The following RABEP2 variants were observed in gnomAD, a reference collection of about 807,000 sequenced individuals.
RABEP2 encodes rabaptin, RAB GTPase binding effector protein 2, also known as rab GTPase-binding effector protein 2.
A neutral mutation model predicts 74.1 loss-of-function variants in RABEP2; 57 were observed. The observed-to-expected ratio is 0.77, with a 90% CI of 0.62 to 0.96. The LOEUF (loss-of-function observed/expected upper bound fraction) is 0.96. RABEP2 is among the 40% of genes least tolerant of loss of function. The pLI is 0.00. For synonymous variants in RABEP2, 351 were observed against 344.0 expected, an observed-to-expected ratio of 1.02 and a Z score of -0.23; for missense variants, 692 against 756.3, an observed-to-expected ratio of 0.91 and a Z score of 1.00.
rs559486529 is a variant in RABEP2 at position 28,905,237 on chromosome 16, TGA to T, written c.1608+158_1608+159del. Reference sequence around the variant, plus strand: ...TTCAGGTGACTGACCAAGGCTCACATGAGAGTTTCAGGGTTTTTTGAGTAACA... The same window carrying T: ...TTCAGGTGACTGACCAAGGCTCACATGAGTTTCAGGGTTTTTTGAGTAACA... On this transcript the variant is annotated intron_variant, in intron 12 of 12. Coordinates refer to ENST00000358201, the MANE Select transcript of RABEP2 (RefSeq NM_024816.3). 2.0e-3 allele frequency among the ~76,000 whole-genome samples: 304 copies of T among 152,220 alleles called. 1 individual carries two copies. Among genetic ancestry groups the T allele is most frequent in the Non-Finnish European group, 3.2e-3 (218 of 67,992 alleles).
rs542275113 is a variant in RABEP2 at position 28,906,229 on chromosome 16, GGGGCAGGA to G, written c.1246-41_1246-34del. 2,722 of 1,532,246 alleles carry G rather than the reference GGGGCAGGA, an allele frequency of 1.8e-3. 7 individuals are homozygous for G. The highest frequency in any genetic ancestry group is 2.0e-3 in the Non-Finnish European group (2,346 of 1,146,932). 94.9% of individuals were successfully genotyped at this position (1,532,246 alleles called of 1,614,324 possible). On this transcript the variant is annotated intron_variant, in intron 8 of 12. Coordinates refer to ENST00000358201, the MANE Select transcript of RABEP2 (RefSeq NM_024816.3). ...GGACGGAGGAGTCACCTGCTGGGCT[GGGGCAGGA>G]GGGCAGGAGGGCAGGGGCCACCAGC...
rs1344291144 is a variant in RABEP2 at position 28,919,781 on chromosome 16, C to T, written c.432+5G>A. Reference sequence around the variant, plus strand: ...GGGCAGCAGGGAAGCCATCCCAATCCCAACCTTTTCCATCTGCTTCTCCAG... The same window carrying T: ...GGGCAGCAGGGAAGCCATCCCAATCTCAACCTTTTCCATCTGCTTCTCCAG... On this transcript the variant is annotated splice_donor_5th_base_variant and intron_variant, in intron 3 of 12. Transcript: ENST00000358201. The T allele has an allele frequency of 6.2e-7, 1 of 1,602,200 alleles. No homozygotes were observed. The highest frequency in any genetic ancestry group is 1.3e-5 in the African/African-American group (1 of 74,762).
chr16:28,905,861 A>G lies in RABEP2; in HGVS notation c.1435+6T>C. The G allele has an allele frequency of 1.9e-6, 3 of 1,613,458 alleles. No individual in the cohort carries two copies. The highest frequency in any genetic ancestry group is 2.5e-6 in the Non-Finnish European group (3 of 1,179,894). ...ATCCCCAAGATCACCTCCAGCACAC[A>G]CTCACCCTCCAGCACCTCTGTGGGA... On this transcript the variant is annotated splice_donor_region_variant and intron_variant, in intron 10 of 12. Coordinates refer to ENST00000358201, the MANE Select transcript of RABEP2 (RefSeq NM_024816.3).
At chr16:28,909,508 T>C (rs1964282666) in intron 7 of RABEP2, among the ~76,000 whole-genome samples, 1 of 150,202 alleles carries the variant, frequency 6.7e-6, no homozygotes, top group South Asian at 2.1e-4. Context: ...AGGCCAGGAG[T>C]TTGAGACCAG....
In RABEP2 at chr16:28,919,806, G is replaced by A. The variant is rs953160539; in HGVS notation, c.412C>T (p.Leu138=). The part of the protein sequence containing the change: ...LLSRAYPLDS[L]EKQMEKAHED... ...CCAACCTTTTCCATCTGCTTCTCCA[G>A]GGAGTCCAGGGGGTAGGCCCGGGAC... The change falls in exon 3 of 13, where the codon CTG becomes TTG. Residue 138 remains leucine, a synonymous_variant. Transcript: ENST00000358201. 3.1e-6 allele frequency: 5 copies of A among 1,608,902 alleles called. No homozygotes were observed. The highest frequency in any genetic ancestry group is 4.2e-6 in the Non-Finnish European group (5 of 1,176,826).
At chr16:28,921,189 G>A (rs1044287257) in intron 2 of RABEP2, 7 of 455,722 alleles carry the variant, frequency 1.5e-5, no homozygotes, top group Admixed American at 7.1e-5. Flanking sequence ...AAATATTTAC[G>A]CTGGATCAGA....
chr16:28,914,504 G>A lies in RABEP2; in HGVS notation c.626C>T (p.Pro209Leu). ...LSRDPSPPLE[P>L]LEELSGDGGP... ...CCCATCTCCGCTCAGCTCCTCCAGA[G>A]GCTCCAGCGGGGGCGATGGATCCCG... Residue 209 changes from proline (P) to leucine (L), a missense_variant, in exon 5 of 13, where the codon CCT (proline) becomes CTT (leucine). Physicochemically the swap from Pro to Leu is moderately conservative, Grantham distance 98 (BLOSUM62 -3). Transcript: ENST00000358201. 6.2e-7 allele frequency: 1 copy of A among 1,613,176 alleles called. No individual in the cohort carries two copies. Among genetic ancestry groups the A allele is most frequent in the Non-Finnish European group, 8.5e-7 (1 of 1,179,712 alleles).
At chr16:28,913,336 T>C (rs1163243221) in intron 5 of RABEP2, among the ~76,000 whole-genome samples, 1 of 152,202 alleles carries the variant, frequency 6.6e-6, no homozygotes, top group East Asian at 1.9e-4. Context: ...AGCCCAGTTT[T>C]GTTTTTCTCT....
intron 1 of RABEP2, 81 bp from the exon 2 acceptor site, chr16:28,924,696 A>G (rs1208511248): frequency 7.7e-7 from 1 of 1,294,328 alleles, no homozygotes; most frequent in Non-Finnish European, 1.1e-6. Flanking sequence ...GCAACCTAGT[A>G]CTGTTGCCTT....
Position 28,904,612 on chromosome 16 carries a change from G to C in RABEP2, c.*331C>G, listed in dbSNP as rs1019623014. 1.1e-5 allele frequency: 12 copies of C among 1,095,884 alleles called. No individual in the cohort carries two copies. The East Asian group carries it at 3.9e-4, about 36-fold the overall frequency. 67.9% of individuals were successfully genotyped at this position (1,095,884 alleles called of 1,614,324 possible). On this transcript the variant is annotated 3_prime_UTR_variant, in exon 13 of 13. Transcript: ENST00000358201. ...GGGGACTCCCAGCCCCCATGGCTCC[G>C]CTGTGCCCTGGGCAGGGGACGGGCT...
chr16:28,905,113 C>T, intron 12 of RABEP2, 69 bp from the exon 13 acceptor site: 8 of 1,370,036 alleles, frequency 5.8e-6, no homozygotes, highest in South Asian at 2.5e-5. Context: ...ACCTGCCAGC[C>T]CCCAAGGGCG....
At chr16:28,913,661 T>C (rs1596699310) in intron 5 of RABEP2, among the ~76,000 whole-genome samples, 1 of 151,928 alleles carries the variant, frequency 6.6e-6, no homozygotes, top group Non-Finnish European at 1.5e-5. Context: ...TTTGTGTTTT[T>C]AGATGGGGTT....
At position 28,906,031 on chromosome 16, in the gene RABEP2, G is replaced by T; in HGVS notation, c.1411C>A (p.Arg471=). The stretch of plus-strand genomic sequence containing the variant: ...CCCCTCCCCTCACCTGTCTCCTCCC[G>T]CTGCACCCTCAGCTGCCCCTCCAGG... ...ASLEGQLRVQ[R]EETEVLEASL... The change falls in exon 9 of 13, where the codon CGG becomes AGG. Residue 471 remains arginine (R), a synonymous_variant. Coordinates refer to ENST00000358201, the MANE Select transcript of RABEP2 (RefSeq NM_024816.3). 6.2e-7 allele frequency: 1 copy of T among 1,604,864 alleles called. No individual in the cohort carries two copies. The highest frequency in any genetic ancestry group is 8.5e-7 in the Non-Finnish European group (1 of 1,176,434).
chr16:28,920,054 A>T, intron 2 of RABEP2, 111 bp from the exon 3 acceptor site: 1 of 1,244,286 alleles, frequency 8.0e-7, no homozygotes, highest in Non-Finnish European at 1.1e-6. Flanking sequence ...ACAATCTACC[A>T]TAGCAGTTGC....
Position 28,911,137 on chromosome 16 carries a change from G to A in RABEP2, c.937C>T (p.Arg313Trp), listed in dbSNP as rs541533862. ...QKDLESVSRE[R>W]DELQEGLRRS... Reference sequence around the variant, plus strand: ...CTCAGGCCCTCTTGGAGCTCGTCCCGCTCGCGACTGACGCTCTCCAGGTCC... The same window carrying A: ...CTCAGGCCCTCTTGGAGCTCGTCCCACTCGCGACTGACGCTCTCCAGGTCC... Residue 313 changes from arginine (R) to tryptophan (W), a missense_variant, in exon 6 of 13, where the codon CGG (arginine) becomes TGG (tryptophan). Coordinates refer to ENST00000358201, the MANE Select transcript of RABEP2 (RefSeq NM_024816.3). 6.2e-6 allele frequency: 10 copies of A among 1,612,424 alleles called. No individual in the cohort carries two copies. The highest frequency in any genetic ancestry group is 2.7e-5 in the African/African-American group (2 of 75,060).
intron 7 of RABEP2, chr16:28,910,635 T>C: frequency 2.2e-6 from 1 of 446,624 alleles, no homozygotes; most frequent in East Asian, 3.8e-5. Context: ...GTTTTATAGA[T>C]GGTGAGGCAG....
intron 8 of RABEP2, 106 bp from the exon 9 acceptor site, chr16:28,906,302 G>A (rs1208452001): frequency 7.2e-7 from 1 of 1,395,938 alleles, no homozygotes; most frequent in Non-Finnish European, 9.4e-7. Flanking sequence ...AGGAAGGGAG[G>A]ATGGAAGCAA....
intron 3 of RABEP2, chr16:28,918,037 A>G (rs1364150955): frequency 6.6e-6 from 1 of 150,730 alleles, no homozygotes. Context: ...AGCGTTTGAT[A>G]ATAAATATGT....
chr16:28,917,324 G>C (rs1964408416), intron 3 of RABEP2, among the ~76,000 whole-genome samples: 1 of 152,246 alleles, frequency 6.6e-6, no homozygotes, highest in African/African-American at 2.4e-5. Context: ...AAATCTGCCA[G>C]TCATCCCTGT....
Sources: gnomAD v4.1 joint callset for allele counts (sites outside exome capture counted in the v4.1 genomes callset) on GRCh38, gnomAD v4.1.1 for gene constraint, MANE v1.5 for transcripts, NCBI Gene and HGNC (gene_info 2026-07-23, HGNC 2026-07-21) for gene names.